PTPRM: variants seen among roughly 807,000 people sequenced by gnomAD.
The protein encoded by PTPRM is protein tyrosine phosphatase receptor type M, also known as receptor-type tyrosine-protein phosphatase mu.
PTPRM carries 47 observed loss-of-function variants against 186.7 expected under a neutral mutation model. That is an observed-to-expected ratio of 0.25 (90% CI 0.20 to 0.32). PTPRM has a LOEUF of 0.32. PTPRM is among the 10% of genes least tolerant of loss of function. PTPRM has a pLI of 1.00. For synonymous variants in PTPRM, 668 were observed against 674.9 expected, an observed-to-expected ratio of 0.99 and a Z score of 0.16; for missense variants, 1,494 against 1,865.0, an observed-to-expected ratio of 0.80 and a Z score of 3.66.
At chr18:8,119,219 G>A (rs1378601803) in intron 13 of PTPRM, among the ~76,000 whole-genome samples, 1 of 152,072 alleles carries the variant, frequency 6.6e-6, no homozygotes, top group African/African-American at 2.4e-5. Flanking sequence ...GATTTCCATT[G>A]TCCTGATATA....
At chr18:8,375,935 G>A in intron 24 of PTPRM, 111 bp from the exon 25 acceptor site, 1 of 1,180,406 alleles carries the variant, frequency 8.5e-7, no homozygotes, top group Non-Finnish European at 1.2e-6. Flanking sequence ...ACTGTTTCCT[G>A]GCCCTAGACT....
intron 2 of PTPRM, among the ~76,000 whole-genome samples, chr18:7,871,997 A>G (rs1030423782): frequency 6.6e-6 from 1 of 152,212 alleles, no homozygotes; most frequent in African/African-American, 2.4e-5. Flanking sequence ...AGATACATAA[A>G]AGGATTTAAA....
chr18:7,831,140 A>G (rs2045740607), intron 2 of PTPRM, among the ~76,000 whole-genome samples: 1 of 152,252 alleles, frequency 6.6e-6, no homozygotes, highest in Middle Eastern at 3.4e-3. Flanking sequence ...TTTTTTGAGG[A>G]AAATATACAC....
At chr18:8,378,698 A>G (rs915020365) in intron 27 of PTPRM, among the ~76,000 whole-genome samples, 5 of 152,230 alleles carry the variant, frequency 3.3e-5, no homozygotes, top group African/African-American at 7.2e-5. Context: ...CTCTGAAGGC[A>G]GACATGGACT....
chr18:7,621,111 C>T (rs1294328250), intron 1 of PTPRM, among the ~76,000 whole-genome samples: 2 of 152,088 alleles, frequency 1.3e-5, no homozygotes, highest in Admixed American at 1.3e-4. Flanking sequence ...TATTCTAAGG[C>T]CTTTAAATTT....
At chr18:8,101,756 C>T (rs138385010) in intron 11 of PTPRM, among the ~76,000 whole-genome samples, 11 of 152,278 alleles carry the variant, frequency 7.2e-5, no homozygotes, top group South Asian at 2.1e-4. Context: ...CCACAGGGCA[C>T]GTGAGCTGTC....
chr18:7,718,025 C>A (rs2040375101), intron 1 of PTPRM, among the ~76,000 whole-genome samples: 2 of 151,512 alleles, frequency 1.3e-5, no homozygotes, highest in Admixed American at 6.6e-5. Context: ...TATCCTGCTT[C>A]AATACCATCA....
chr18:7,887,974 G>A (rs1488240645), intron 2 of PTPRM, 132 bp from the exon 3 acceptor site: 2 of 1,025,124 alleles, frequency 2.0e-6, no homozygotes, highest in Non-Finnish European at 3.1e-6. Flanking sequence ...AATAGGAATG[G>A]AAGAAATGGC....
chr18:8,319,437 A>T (rs1295156894), intron 22 of PTPRM, among the ~76,000 whole-genome samples: 1 of 152,188 alleles, frequency 6.6e-6, no homozygotes, highest in Non-Finnish European at 1.5e-5. Flanking sequence ...TCAATTCCTT[A>T]TTGAATTCAA....
At chr18:7,586,153 G>A (rs1299883570) in intron 1 of PTPRM, among the ~76,000 whole-genome samples, 2 of 152,190 alleles carry the variant, frequency 1.3e-5, no homozygotes, top group African/African-American at 2.4e-5. Flanking sequence ...GATCCTTTCA[G>A]CCACTAACCT....
intron 23 of PTPRM, among the ~76,000 whole-genome samples, chr18:8,360,482 A>G (rs947156732): frequency 2.6e-5 from 4 of 152,218 alleles, no homozygotes; most frequent in Non-Finnish European, 4.4e-5. Flanking sequence ...AGCTCAGGAC[A>G]AGGAACGTGC....
At chr18:8,299,075 G>A (rs2095127518) in intron 20 of PTPRM, among the ~76,000 whole-genome samples, 1 of 152,076 alleles carries the variant, frequency 6.6e-6, no homozygotes, top group African/African-American at 2.4e-5. Flanking sequence ...TAAAACGTCT[G>A]CAGGCTCCCC....
intron 13 of PTPRM, among the ~76,000 whole-genome samples, chr18:8,134,834 T>C (rs2092600902): frequency 6.6e-6 from 1 of 152,112 alleles, no homozygotes; most frequent in South Asian, 2.1e-4. Context: ...CCACTTGAGT[T>C]TTCTGTATTA....
chr18:7,699,645 G>T lies in PTPRM; in HGVS notation c.74-74504G>T, dbSNP rs1303431000. On this transcript the variant is annotated intron_variant, in intron 1 of 32. Transcript: ENST00000580170. ...GGCTGGTCTCAAACTCCTGACTGCA[G>T]GTGATCTGCCTGCTGGGATTACAAG... 9.9e-5 allele frequency among the ~76,000 whole-genome samples: 15 copies of T among 152,120 alleles called. No homozygotes were observed. The East Asian group carries it at 2.9e-3, about 29-fold the overall frequency.
In PTPRM at chr18:7,950,480, C is replaced by G. The variant is rs1252023261; in HGVS notation, c.838+1125C>G. On this transcript the variant is annotated intron_variant, in intron 6 of 32. Transcript: ENST00000580170. ...TCTGCACATTTCTCAAGATAGGCAG[C>G]TTTAAAGATTGCTGGATTCAAATCC... 2.0e-5 allele frequency among the ~76,000 whole-genome samples: 3 copies of G among 152,258 alleles called. No individual in the cohort carries two copies. In the East Asian group the frequency reaches 5.8e-4, roughly 29 times the overall value.
At chr18:8,254,521 T>G (rs976336594) in intron 19 of PTPRM, among the ~76,000 whole-genome samples, 3 of 152,176 alleles carry the variant, frequency 2.0e-5, no homozygotes, top group Admixed American at 6.5e-5. Flanking sequence ...AGACATGTGG[T>G]TTTTTTAAAC....
chr18:7,697,232 A>G (rs1568035779), intron 1 of PTPRM, among the ~76,000 whole-genome samples: 1 of 152,202 alleles, frequency 6.6e-6, no homozygotes, highest in Non-Finnish European at 1.5e-5. Flanking sequence ...AGCTCGATGA[A>G]GCAGTTTGCT....
At chr18:7,862,823 A>G (rs561033394) in intron 2 of PTPRM, among the ~76,000 whole-genome samples, 2 of 152,156 alleles carry the variant, frequency 1.3e-5, no homozygotes, top group Admixed American at 6.6e-5. Flanking sequence ...TGATATCCCC[A>G]TCAACAGGTC....
chr18:8,025,656 G>A (rs988871157), intron 7 of PTPRM, among the ~76,000 whole-genome samples: 2 of 152,140 alleles, frequency 1.3e-5, no homozygotes, highest in South Asian at 2.1e-4. Context: ...TTCAACAGCT[G>A]GTACGATATT....
Sources: gnomAD v4.1 joint callset for allele counts (sites outside exome capture counted in the v4.1 genomes callset) on GRCh38, gnomAD v4.1.1 for gene constraint, MANE v1.5 for transcripts, NCBI Gene and HGNC (gene_info 2026-07-23, HGNC 2026-07-21) for gene names.